Variants in SERP2 observed in about 807,000 individuals in gnomAD.
SERP2 encodes the protein stress-associated endoplasmic reticulum protein 2.
Under a neutral mutation model 9.1 loss-of-function variants are expected in SERP2, and 6 were observed. The observed-to-expected ratio is 0.66, with a 90% confidence interval of 0.36 to 1.30. The LOEUF is 1.30. Ranked by LOEUF, SERP2 falls within the 50% of genes most tolerant of loss-of-function variation. The pLI is 0.03. For synonymous variants in SERP2, 37 were observed against 27.3 expected (o/e 1.35, Z -1.10); for missense variants, 58 against 81.9 (o/e 0.71, Z 1.13).
At chr13:44,386,153 A>G (rs985510477) in intron 2 of SERP2, among the ~76,000 whole-genome samples, 2 of 152,178 alleles carry the variant, frequency 1.3e-5, no homozygotes, top group Admixed American at 6.5e-5. Flanking sequence ...AGGAACACCA[A>G]TATGCAGACC....
rs777136385 is a variant in SERP2, at chr13:44,397,354, G to A, written c.*42G>A. ...ACACCACCTCCCTCCCACTGGAGGC[G>A]GGAGGACAACGGAAGCGGTCAGCCA... On this transcript the variant is annotated 3_prime_UTR_variant, in exon 3 of 3. Transcript: ENST00000379179. 2.6e-6 allele frequency: 4 copies of A among 1,521,402 alleles called. No homozygotes were observed. The highest frequency in any genetic ancestry group is 3.6e-6 in the Non-Finnish European group (4 of 1,096,344). 94.2% of individuals were successfully genotyped at this position (1,521,402 alleles called of 1,614,324 possible).
chr13:44,373,698 C>G (rs767935377), upstream of SERP2: 1 of 311,984 alleles, frequency 3.2e-6, no homozygotes, highest in Admixed American at 5.6e-5. This position sits in a 1 kb window ranked among gnomAD's most constrained non-coding sequence, Gnocchi z 4.8. Context: ...CTGCGCGCTG[C>G]GCTCCGGCCG....
rs555870021 is a variant in SERP2, at chr13:44,380,928, T to A, written c.157+1215T>A. Among the ~76,000 whole-genome samples the A allele has an allele frequency of 1.7e-4, 26 of 152,328 alleles. No homozygotes were observed. The South Asian group carries it at 2.3e-3, about 13-fold the overall frequency. The stretch of plus-strand genomic sequence containing the variant: ...TTTGAACTCCTAGGGTAACACAGAA[T>A]GGACTCGTTCTCCTCTAAGCACCTT... On this transcript the variant is annotated intron_variant, in intron 2 of 2. Transcript: ENST00000379179.
chr13:44,385,577 C>T (rs1187993954), intron 2 of SERP2, among the ~76,000 whole-genome samples: 3 of 152,174 alleles, frequency 2.0e-5, no homozygotes, highest in African/African-American at 7.2e-5. Context: ...TCCATGATTG[C>T]AAAAGTTGTC....
chr13:44,380,618 T>C (rs1214681268), intron 2 of SERP2, among the ~76,000 whole-genome samples: 1 of 152,192 alleles, frequency 6.6e-6, no homozygotes, highest in African/African-American at 2.4e-5. Context: ...AAGCAAAAAC[T>C]CTTAGGAGGA....
intron 2 of SERP2, 119 bp from the exon 3 acceptor site, chr13:44,397,148 TATCTA>T: frequency 1.3e-6 from 1 of 751,488 alleles, no homozygotes; most frequent in East Asian, 2.5e-5. Context: ...TGTTAGGAAA[TATCTA>T]ATCAGCTGTG....
intron 2 of SERP2, among the ~76,000 whole-genome samples, chr13:44,391,523 T>G (rs1002435566): frequency 1.7e-4 from 26 of 151,476 alleles, no homozygotes; most frequent in Non-Finnish European, 3.2e-4. Context: ...ACCAAAACAC[T>G]TTCAATTCAG....
chr13:44,392,666 G>T (rs1872847931), intron 2 of SERP2, among the ~76,000 whole-genome samples: 1 of 152,084 alleles, frequency 6.6e-6, no homozygotes, highest in African/African-American at 2.4e-5. Flanking sequence ...GGAAGATAAT[G>T]ATGCCAGTTT....
At chr13:44,383,896 A>G (rs559301292) in intron 2 of SERP2, among the ~76,000 whole-genome samples, 1 of 151,996 alleles carries the variant, frequency 6.6e-6, no homozygotes, top group Admixed American at 6.6e-5. Context: ...TTCTAGTTAT[A>G]AAGCCATTTT....
At position 44,383,323 on chromosome 13, in the gene SERP2, C is replaced by T. The variant is rs1260070289; in HGVS notation, c.157+3610C>T. On this transcript the variant is annotated intron_variant, in intron 2 of 2. Transcript: ENST00000379179. ...TGGCGTGGCTTATTTTTCTCAAACCCATGCCAACTCTCAAAACCCATCTCT... is the reference window on the plus strand; with the variant it reads ...TGGCGTGGCTTATTTTTCTCAAACCTATGCCAACTCTCAAAACCCATCTCT... 3.3e-5 allele frequency among the ~76,000 whole-genome samples: 5 copies of T among 152,160 alleles called. No individual in the cohort carries two copies. The East Asian group carries it at 9.6e-4, about 29-fold the overall frequency.
chr13:44,374,183 CGGGCG>C, intron 1 of SERP2, 74 bp downstream of exon 1: 2 of 401,542 alleles, frequency 5.0e-6, no homozygotes, highest in Non-Finnish European at 8.0e-6. Flanking sequence ...GGGGCGGGGC[CGGGCG>C]GGTAGCGGCG....
rs538870077 is a variant in SERP2 at position 44,389,439 on chromosome 13, G to C, written c.158-7833G>C. On this transcript the variant is annotated intron_variant, in intron 2 of 2. Coordinates refer to ENST00000379179, the MANE Select transcript of SERP2 (RefSeq NM_001010897.3). Reference sequence around the variant, plus strand: ...GACAATGCATGTGGAATGTTTAGTGGAGTGACAGTATTGGCTTTATAAGTG... The same window carrying C: ...GACAATGCATGTGGAATGTTTAGTGCAGTGACAGTATTGGCTTTATAAGTG... 6.2e-4 allele frequency among the ~76,000 whole-genome samples: 94 copies of C among 152,268 alleles called. 1 individual carries two copies. Among genetic ancestry groups the C allele is most frequent in the Admixed American group, 7.8e-4 (12 of 15,298 alleles).
In SERP2 at chr13:44,397,177, G is replaced by T. The variant is rs1047296300; in HGVS notation, c.158-95G>T. 6.4e-6 allele frequency: 6 copies of T among 939,502 alleles called. No individual in the cohort carries two copies. The African/African-American group carries it at 9.7e-5, about 15-fold the overall frequency. 58.2% of individuals were successfully genotyped at this position (939,502 alleles called of 1,614,324 possible). A position where few individuals can be genotyped will look rare whatever the true frequency, so the allele number is the denominator to read the frequency against. The stretch of plus-strand genomic sequence containing the variant: ...TAATCAGCTGTGAGCTAACACGTCA[G>T]GGCCCAGGGGTCTGCAGAAGCCGGG... On this transcript the variant is annotated intron_variant, in intron 2 of 2. Transcript: ENST00000379179.
intron 2 of SERP2, among the ~76,000 whole-genome samples, chr13:44,388,256 GTGTT>G (rs1462366616): frequency 7.5e-5 from 10 of 132,518 alleles, no homozygotes; most frequent in African/African-American, 2.9e-4. Context: ...TTGTGTGTGT[GTGTT>G]TGTATATGTG....
chr13:44,395,620 A>G (rs1375338264), intron 2 of SERP2, among the ~76,000 whole-genome samples: 2 of 150,916 alleles, frequency 1.3e-5, no homozygotes, highest in African/African-American at 4.9e-5. Context: ...AAAAAAAAAA[A>G]AAAAGACCCA....
chr13:44,378,669 G>T (rs890429860), intron 1 of SERP2, among the ~76,000 whole-genome samples: 4 of 145,954 alleles, frequency 2.7e-5, no homozygotes, highest in Admixed American at 6.8e-5. Context: ...CTTTGTTGTT[G>T]TTTTTTTTTT....
At chr13:44,373,717 G>T (rs1200772350), upstream of SERP2, 2 of 347,274 alleles carry the variant, frequency 5.8e-6, no homozygotes, top group Non-Finnish European at 5.2e-6. The surrounding 1 kb of genome is among the most constrained non-coding windows in gnomAD (Gnocchi z 4.8). Flanking sequence ...CGCTCGGCGC[G>T]GGAGGACGTG....
chr13:44,385,459 G>C (rs1246283462), intron 2 of SERP2, among the ~76,000 whole-genome samples: 1 of 152,236 alleles, frequency 6.6e-6, no homozygotes, highest in East Asian at 1.9e-4. Flanking sequence ...CCCAAGCCCT[G>C]TTCTGTCTTA....
chr13:44,392,196 CAAAAAA>C lies in SERP2; in HGVS notation c.158-5064_158-5059del, dbSNP rs760513486. On this transcript the variant is annotated intron_variant, in intron 2 of 2. Transcript: ENST00000379179. ...CTGGTGACAGAGTGAGACTCTGTCT[CAAAAAA>C]AAAAAAAAAAAGCCCTGTGGTGAGA... Among the ~76,000 whole-genome samples the C allele has an allele frequency of 9.4e-3, 339 of 35,988 alleles. 22 individuals are homozygous for C. The highest frequency in any genetic ancestry group is 0.04 in the African/African-American group (312 of 7,872). 23.6% of individuals were successfully genotyped at this position (35,988 alleles called of 152,430 possible).
Sources: gnomAD v4.1 joint callset for allele counts (sites outside exome capture counted in the v4.1 genomes callset) on GRCh38, gnomAD v4.1.1 for gene constraint, Gnocchi (gnomAD v3.1) non-coding constraint, MANE v1.5 for transcripts, NCBI Gene and HGNC (gene_info 2026-07-23, HGNC 2026-07-21) for gene names.